The following NCAM1 variants were observed in gnomAD, a reference collection of about 807,000 sequenced individuals.
The protein encoded by NCAM1 is neural cell adhesion molecule 1, also known as antigen recognized by monoclonal antibody 5.1H11.
NCAM1 carries 14 observed loss-of-function variants against 109.8 expected under a neutral mutation model. The observed-to-expected ratio is 0.13, with a 90% CI of 0.08 to 0.20. The LOEUF is 0.20. Among genes scored for constraint, NCAM1 ranks in the 10% least tolerant of loss-of-function variants. The pLI is 1.00. For synonymous variants in NCAM1, 418 were observed against 442.9 expected, an observed-to-expected ratio of 0.94 and a Z score of 0.70; for missense variants, 774 against 1,109.9, an observed-to-expected ratio of 0.70 and a Z score of 4.30.
At chr11:113,205,906 AGG>A in intron 4 of NCAM1, 135 bp from the exon 5 acceptor site, 3 of 1,177,278 alleles carry the variant, frequency 2.5e-6, no homozygotes, top group African/African-American at 1.5e-5. Flanking sequence ...TTTCAAAGCC[AGG>A]GACGCATTTT....
rs1167627601 is a variant in NCAM1 at position 113,235,441 on chromosome 11, A to T, written c.1825+277A>T. Reference sequence around the variant, plus strand: ...GTGAAGGGGAAGGCACCAACACATTATTAAAGGAAGTGGGGAGAAAACCAG... The same window carrying T: ...GTGAAGGGGAAGGCACCAACACATTTTTAAAGGAAGTGGGGAGAAAACCAG... On this transcript the variant is annotated intron_variant, in intron 14 of 19. Transcript: ENST00000316851. 5.7e-5 allele frequency: 40 copies of T among 696,580 alleles called. No individual in the cohort carries two copies. The Admixed American group carries it at 7.3e-4, about 13-fold the overall frequency. 43.1% of individuals were successfully genotyped at this position (696,580 alleles called of 1,614,324 possible).
At chr11:113,225,419 A>C (rs1268223951) in intron 9 of NCAM1, among the ~76,000 whole-genome samples, 1 of 152,258 alleles carries the variant, frequency 6.6e-6, no homozygotes, top group African/African-American at 2.4e-5. Context: ...CCTCCAAGAA[A>C]TATGGGACTA....
chr11:113,153,612 T>C (rs1555102936), intron 1 of NCAM1, among the ~76,000 whole-genome samples: 1 of 152,212 alleles, frequency 6.6e-6, no homozygotes, highest in Non-Finnish European at 1.5e-5. Flanking sequence ...TAGTGAGTTT[T>C]GTTAGAGATA....
intron 1 of NCAM1, among the ~76,000 whole-genome samples, chr11:113,113,865 C>T (rs1940561356): frequency 6.6e-6 from 1 of 152,140 alleles, no homozygotes; most frequent in South Asian, 2.1e-4. Flanking sequence ...TTGTGTTTGA[C>T]ACGATCAATG....
intron 1 of NCAM1, among the ~76,000 whole-genome samples, chr11:113,077,198 G>A (rs1242294099): frequency 6.6e-6 from 1 of 152,166 alleles, no homozygotes; most frequent in South Asian, 2.1e-4. Context: ...CATGATTAGT[G>A]CTATTATAAA....
chr11:113,136,223 A>G (rs1172243839), intron 1 of NCAM1, among the ~76,000 whole-genome samples: 2 of 152,214 alleles, frequency 1.3e-5, no homozygotes, highest in African/African-American at 2.4e-5. Flanking sequence ...AGTTTGAGAC[A>G]TGGTAGTCTT....
intron 1 of NCAM1, among the ~76,000 whole-genome samples, chr11:112,969,754 ATGTGCAAAGTTC>A (rs1445089415): frequency 2.0e-5 from 3 of 152,174 alleles, no homozygotes; most frequent in African/African-American, 7.2e-5. Context: ...TCTGAATATG[ATGTGCAAAGTTC>A]TGTGCTAGAG....
chr11:113,004,598 A>G (rs1406653404), intron 1 of NCAM1, among the ~76,000 whole-genome samples: 1 of 152,080 alleles, frequency 6.6e-6, no homozygotes, highest in African/African-American at 2.4e-5. Flanking sequence ...CGTTGATGTC[A>G]GGAAGTCACG....
chr11:113,000,598 G>A (rs929585803), intron 1 of NCAM1, among the ~76,000 whole-genome samples: 4 of 151,814 alleles, frequency 2.6e-5, no homozygotes, highest in Admixed American at 6.6e-5. Flanking sequence ...ACATGACTAC[G>A]TGAATTAAAA....
chr11:113,021,066 T>G (rs1952369546), intron 1 of NCAM1, among the ~76,000 whole-genome samples: 1 of 152,202 alleles, frequency 6.6e-6, no homozygotes, highest in Admixed American at 6.5e-5. Context: ...CTTATTATTT[T>G]CTTCATTGGT....
chr11:113,073,707 A>C (rs975987782), intron 1 of NCAM1, among the ~76,000 whole-genome samples: 1 of 152,210 alleles, frequency 6.6e-6, no homozygotes, highest in East Asian at 1.9e-4. Flanking sequence ...AAACCTTTAA[A>C]TCCGCATCAC....
At chr11:113,176,141 A>C (rs368861627) in intron 1 of NCAM1, among the ~76,000 whole-genome samples, 1 of 152,160 alleles carries the variant, frequency 6.6e-6, no homozygotes, top group African/African-American at 2.4e-5. Context: ...TCTACTGTTG[A>C]GAACACCAAG....
chr11:113,236,153 C>A, intron 14 of NCAM1: 1 of 809,602 alleles, frequency 1.2e-6, no homozygotes, highest in Non-Finnish European at 1.9e-6. Flanking sequence ...TGGCTTCTTT[C>A]TCTGGATTTG....
At chr11:113,048,911 T>C (rs1390753732) in intron 1 of NCAM1, among the ~76,000 whole-genome samples, 1 of 152,212 alleles carries the variant, frequency 6.6e-6, no homozygotes, top group Non-Finnish European at 1.5e-5. Context: ...TCCTTCAGTA[T>C]TCCTTGAAGG....
At chr11:113,091,069 T>C (rs1555089290) in intron 1 of NCAM1, among the ~76,000 whole-genome samples, 3 of 152,204 alleles carry the variant, frequency 2.0e-5, no homozygotes, top group Non-Finnish European at 4.4e-5. Flanking sequence ...GATGAGCTAG[T>C]GTGTGGGCAG....
Position 113,186,391 on chromosome 11 carries a change from G to A in NCAM1, c.53-15988G>A, listed in dbSNP as rs567828545. On this transcript the variant is annotated intron_variant, in intron 1 of 19. Coordinates refer to ENST00000316851, the MANE Select transcript of NCAM1 (RefSeq NM_181351.5). ...CAAAACCACCTCCCAACCCTCTGCC[G>A]GTCCATGGAAAAATTGTCTTCCATG... is the stretch of plus-strand genomic sequence containing the variant. Among the ~76,000 whole-genome samples, 12 of 152,272 alleles carry A rather than the reference G, an allele frequency of 7.9e-5. No individual in the cohort carries two copies. The South Asian group carries it at 2.3e-3, about 29-fold the overall frequency.
chr11:112,974,360 C>T (rs1462896143), intron 1 of NCAM1, among the ~76,000 whole-genome samples: 10 of 151,978 alleles, frequency 6.6e-5, no homozygotes, highest in Admixed American at 6.6e-4. Flanking sequence ...TCCTCAAATT[C>T]TAATGATCCC....
chr11:113,099,237 C>A (rs1374266318), intron 1 of NCAM1, among the ~76,000 whole-genome samples: 1 of 152,120 alleles, frequency 6.6e-6, no homozygotes, highest in African/African-American at 2.4e-5. Flanking sequence ...TGTCCTGCAG[C>A]CTCATGCATT....
chr11:113,224,683 C>G (rs182278318), intron 9 of NCAM1, among the ~76,000 whole-genome samples: 1 of 152,214 alleles, frequency 6.6e-6, no homozygotes, highest in Non-Finnish European at 1.5e-5. Flanking sequence ...AGGCACCCCC[C>G]AGTAGGGGCA....
Sources: allele counts gnomAD v4.1 joint callset (sites outside exome capture counted in the v4.1 genomes callset), GRCh38; gene constraint gnomAD v4.1.1; transcripts MANE v1.5; gene names NCBI Gene and HGNC (gene_info 2026-07-23, HGNC 2026-07-21).